Variants in PSMD12 observed in about 807,000 individuals in gnomAD.
The protein encoded by PSMD12 is 26S proteasome non-ATPase regulatory subunit 12.
Under a neutral mutation model 62.9 loss-of-function variants are expected in PSMD12, and 8 were observed. That is an observed-to-expected ratio of 0.13 (90% CI 0.07 to 0.23). The LOEUF (loss-of-function observed/expected upper bound fraction) is 0.23. Among genes scored for constraint, PSMD12 ranks in the 10% least tolerant of loss-of-function variants. The pLI is 1.00. For synonymous variants in PSMD12, 173 were observed against 187.4 expected, an observed-to-expected ratio of 0.92 and a Z score of 0.63; for missense variants, 424 against 550.2, an observed-to-expected ratio of 0.77 and a Z score of 2.29.
At chr17:67,358,023 G>C (rs1038000859) in intron 1 of PSMD12, among the ~76,000 whole-genome samples, 1 of 151,980 alleles carries the variant, frequency 6.6e-6, no homozygotes, top group Non-Finnish European at 1.5e-5. Context: ...CCGGGTTCTA[G>C]CGATTCTCAT....
chr17:67,355,553 T>C (rs558383433), intron 3 of PSMD12: 6 of 152,358 alleles, frequency 3.9e-5, no homozygotes, highest in Admixed American at 3.3e-4. Flanking sequence ...AGTAACACTA[T>C]ATATCTATTT....
intron 1 of PSMD12, chr17:67,362,669 A>G (rs1351189254): frequency 6.9e-6 from 1 of 145,518 alleles, no homozygotes; most frequent in Non-Finnish European, 1.5e-5. Context: ...CTCAAAAAAA[A>G]AAAAACAAAA....
At chr17:67,357,738 G>C (rs1436193711) in intron 1 of PSMD12, among the ~76,000 whole-genome samples, 160 bp from the exon 2 acceptor site, 2 of 152,204 alleles carry the variant, frequency 1.3e-5, no homozygotes, top group Non-Finnish European at 2.9e-5. Context: ...TTTCATGATA[G>C]TGCTTCCTTC....
intron 3 of PSMD12, among the ~76,000 whole-genome samples, chr17:67,356,699 A>T (rs981729961): frequency 6.6e-6 from 1 of 152,054 alleles, no homozygotes; most frequent in Non-Finnish European, 1.5e-5. Flanking sequence ...TGATAAATTA[A>T]AACAAAACCA....
intron 4 of PSMD12, 26 bp from the exon 5 acceptor site, chr17:67,348,680 A>G (rs777976863): frequency 6.3e-7 from 1 of 1,585,980 alleles, no homozygotes; most frequent in Admixed American, 1.7e-5. Context: ...TTACACAATC[A>G]AAATTCCATG....
In PSMD12 at chr17:67,363,254, C is replaced by G. The variant is rs149145159; in HGVS notation, c.108+3158G>C. ...GCAACCTCGAACTACTGCGCTCAAG[C>G]GATCCTCCTGCCTCAGCCTCCAGAG... On this transcript the variant is annotated intron_variant, in intron 1 of 10. Transcript: ENST00000356126. Among the ~76,000 whole-genome samples, 5 of 152,206 alleles carry G rather than the reference C, an allele frequency of 3.3e-5. No individual in the cohort carries two copies. In the South Asian group the frequency reaches 6.2e-4, roughly 19 times the overall value.
intron 1 of PSMD12, among the ~76,000 whole-genome samples, chr17:67,363,597 T>G (rs1293349644): frequency 6.6e-6 from 1 of 152,222 alleles, no homozygotes; most frequent in Non-Finnish European, 1.5e-5. Flanking sequence ...AGCTTAAATT[T>G]TCTCACAAGT....
intron 7 of PSMD12, 37 bp from the exon 8 acceptor site, chr17:67,345,894 G>T (rs1203640682): frequency 1.3e-6 from 2 of 1,518,626 alleles, no homozygotes. Flanking sequence ...TGCAAGACTG[G>T]ACATAATGGA....
At chr17:67,364,589 A>T (rs2042162579) in intron 1 of PSMD12, among the ~76,000 whole-genome samples, 1 of 152,206 alleles carries the variant, frequency 6.6e-6, no homozygotes, top group Non-Finnish European at 1.5e-5. Context: ...CCTTCTCTAG[A>T]GCAAATTACT....
At chr17:67,347,508 A>G (rs1249020039) in intron 5 of PSMD12, 23 bp from the exon 6 acceptor site, 1 of 1,593,378 alleles carries the variant, frequency 6.3e-7, no homozygotes, top group South Asian at 1.1e-5. Context: ...TTCCCCAAAT[A>G]AGTTTATAAT....
At chr17:67,352,373 T>C (rs894632839) in intron 3 of PSMD12, among the ~76,000 whole-genome samples, 5 of 152,220 alleles carry the variant, frequency 3.3e-5, no homozygotes, top group Admixed American at 1.3e-4. Flanking sequence ...CTTTTAACTA[T>C]CTGAAACACT....
At chr17:67,342,939 C>CAAAAA (rs11366514) in intron 9 of PSMD12, among the ~76,000 whole-genome samples, 2 of 102,680 alleles carry the variant, frequency 1.9e-5, no homozygotes, top group Non-Finnish European at 4.3e-5. Context: ...GACTCTCTTT[C>CAAAAA]AAAAAAAAAA....
intron 7 of PSMD12, 69 bp downstream of exon 7, chr17:67,347,047 T>G (rs1289379678): frequency 3.5e-5 from 51 of 1,469,826 alleles, no homozygotes; most frequent in Non-Finnish European, 4.6e-5. Flanking sequence ...TTAAAAAGAT[T>G]TGAAAATAAA....
chr17:67,359,736 TAAC>T (rs1464660774), intron 1 of PSMD12, among the ~76,000 whole-genome samples: 6 of 152,214 alleles, frequency 3.9e-5, no homozygotes, highest in African/African-American at 1.4e-4. Flanking sequence ...TAACATATTT[TAAC>T]AACGTTTCCT....
At chr17:67,351,434 G>T (rs1233965503) in intron 3 of PSMD12, among the ~76,000 whole-genome samples, 2 of 104,440 alleles carry the variant, frequency 1.9e-5, no homozygotes, top group Non-Finnish European at 4.2e-5. Flanking sequence ...ATAATAATTA[G>T]GACCATGAGT....
At position 67,342,319 on chromosome 17, in the gene PSMD12, A is replaced by T. The variant is rs1458553343; in HGVS notation, c.1084-56T>A. On this transcript the variant is annotated intron_variant, in intron 9 of 10. Transcript: ENST00000356126. ...CGTAACATTTGTCAGTAAGTCTAAA[A>T]GTCCATTTATTTTCATATCCAAGTA... 13 of 1,179,804 alleles carry T rather than the reference A, an allele frequency of 1.1e-5. No individual in the cohort carries two copies. In the African/African-American group the frequency reaches 1.2e-4, roughly 11 times the overall value. The allele number at this position is 1,179,804 out of a possible 1,614,324, so 73.1% of individuals were successfully genotyped here. A position where few individuals can be genotyped will look rare whatever the true frequency, so the allele number is the denominator to read the frequency against.
rs1269652432 is a variant in PSMD12, at chr17:67,352,171, C to T, written c.298-1835G>A. On this transcript the variant is annotated intron_variant, in intron 3 of 10. Transcript: ENST00000356126. ...GCACTGGCATGACCACAGCTCACTG[C>T]TACCTCAAATTCCTGGGCTCATGTG... 2.6e-5 allele frequency among the ~76,000 whole-genome samples: 4 copies of T among 152,150 alleles called. No homozygotes were observed. The East Asian group carries it at 7.7e-4, about 29-fold the overall frequency.
At chr17:67,359,262 G>A (rs2042107605) in intron 1 of PSMD12, among the ~76,000 whole-genome samples, 1 of 152,206 alleles carries the variant, frequency 6.6e-6, no homozygotes, top group African/African-American at 2.4e-5. Context: ...GGCTGAGGCG[G>A]AAGAATCACT....
chr17:67,351,006 AT>A (rs1229545071), intron 3 of PSMD12, among the ~76,000 whole-genome samples: 1 of 152,202 alleles, frequency 6.6e-6, no homozygotes, highest in Non-Finnish European at 1.5e-5. Context: ...GACTTTATTT[AT>A]AAAAATAGGA....
Sources: allele counts gnomAD v4.1 joint callset (sites outside exome capture counted in the v4.1 genomes callset), GRCh38; gene constraint gnomAD v4.1.1; transcripts MANE v1.5; gene names NCBI Gene and HGNC (gene_info 2026-07-23, HGNC 2026-07-21).